HTR4: variants seen among roughly 807,000 people sequenced by gnomAD.
The protein encoded by HTR4 is 5-hydroxytryptamine (serotonin) receptor 4, G protein-coupled.
A neutral mutation model predicts 36.8 loss-of-function variants in HTR4; 16 were observed. The observed-to-expected ratio is 0.43, with a 90% CI of 0.29 to 0.66. The LOEUF (loss-of-function observed/expected upper bound fraction) is 0.66, where lower values mean the gene tolerates loss of function less well. Among genes scored for constraint, HTR4 ranks in the 30% least tolerant of loss-of-function variants. The pLI, the probability that HTR4 is intolerant of heterozygous loss-of-function variation, is 0.13. For missense variants in HTR4, 438 were observed against 490.9 expected (o/e 0.89, Z 1.02); for synonymous variants, 189 against 185.1 (o/e 1.02, Z -0.17).
At chr5:148,512,888 G>A (rs1330726493) in intron 5 of HTR4, among the ~76,000 whole-genome samples, 1 of 152,026 alleles carries the variant, frequency 6.6e-6, no homozygotes, top group Non-Finnish European at 1.5e-5. Flanking sequence ...CTAAGATCAC[G>A]CCACTGCACT....
chr5:148,584,639 A>G (rs996110303), intron 2 of HTR4, among the ~76,000 whole-genome samples: 1 of 152,094 alleles, frequency 6.6e-6, no homozygotes, highest in African/African-American at 2.4e-5. Context: ...GACAGACCCC[A>G]GTTTTGTTTG....
chr5:148,616,728 C>T (rs552734437), intron 2 of HTR4, among the ~76,000 whole-genome samples: 6 of 152,158 alleles, frequency 3.9e-5, no homozygotes, highest in Admixed American at 3.3e-4. Flanking sequence ...TACCTTGGTG[C>T]ATATCATTCT....
chr5:148,622,397 C>G (rs1752948384), intron 2 of HTR4, among the ~76,000 whole-genome samples: 1 of 152,202 alleles, frequency 6.6e-6, no homozygotes, highest in Non-Finnish European at 1.5e-5. Flanking sequence ...CCAGCCACAT[C>G]TCACCAAACT....
intron 2 of HTR4, among the ~76,000 whole-genome samples, chr5:148,606,871 G>A (rs757710225): frequency 3.3e-5 from 5 of 152,130 alleles, no homozygotes; most frequent in Non-Finnish European, 7.4e-5. Flanking sequence ...GAAGTTGTCT[G>A]CAACATTTAA....
intron 4 of HTR4, among the ~76,000 whole-genome samples, chr5:148,532,046 C>T (rs190897269): frequency 1.3e-5 from 2 of 152,220 alleles, no homozygotes; most frequent in Admixed American, 6.5e-5. Flanking sequence ...TTGAGGACCC[C>T]TGGTTTAGAT....
At chr5:148,634,871 G>A (rs1753473063) in intron 2 of HTR4, among the ~76,000 whole-genome samples, 1 of 152,038 alleles carries the variant, frequency 6.6e-6, no homozygotes, top group Admixed American at 6.6e-5. Context: ...CTCACCTTAT[G>A]TAGGCACTTT....
intron 6 of HTR4, among the ~76,000 whole-genome samples, chr5:148,507,089 G>C (rs1235862212): frequency 1.3e-5 from 2 of 152,008 alleles, no homozygotes; most frequent in African/African-American, 2.4e-5. Context: ...GTTTATTGCG[G>C]CACTATTCAC....
chr5:148,569,392 C>A (rs1038552670), intron 2 of HTR4, among the ~76,000 whole-genome samples: 1 of 151,918 alleles, frequency 6.6e-6, no homozygotes. Context: ...GGAAAAATAG[C>A]CAATGCATGT....
intron 4 of HTR4, among the ~76,000 whole-genome samples, chr5:148,527,693 C>T (rs1366053195): frequency 6.6e-6 from 1 of 152,056 alleles, no homozygotes; most frequent in African/African-American, 2.4e-5. Flanking sequence ...TGGCTCACTG[C>T]AACCTCCGCC....
At chr5:148,631,937 T>G (rs972417551) in intron 2 of HTR4, among the ~76,000 whole-genome samples, 2 of 152,130 alleles carry the variant, frequency 1.3e-5, no homozygotes, top group Non-Finnish European at 1.5e-5. Context: ...TTTACTCAGA[T>G]TTTCTGTGTT....
At chr5:148,515,053 C>T (rs1440113931) in intron 5 of HTR4, among the ~76,000 whole-genome samples, 1 of 151,954 alleles carries the variant, frequency 6.6e-6, no homozygotes, top group African/African-American at 2.4e-5. Flanking sequence ...TTACATTTGT[C>T]TATAATCTTA....
At chr5:148,476,707 G>A, downstream of HTR4, 2 of 1,610,924 alleles carry the variant, frequency 1.2e-6, no homozygotes, top group South Asian at 1.1e-5. Context: ...AAAAAAATGA[G>A]CAATAAGAAT....
chr5:148,608,991 A>G (rs1258196065), intron 2 of HTR4, among the ~76,000 whole-genome samples: 1 of 152,228 alleles, frequency 6.6e-6, no homozygotes, highest in African/African-American at 2.4e-5. Context: ...TTCTTACAAC[A>G]GACAAGGGAC....
Position 148,523,358 on chromosome 5 carries a change from A to G in HTR4, c.354-12T>C, listed in dbSNP as rs1290004390. Reference sequence around the variant, plus strand: ...AGATGGCGTAATACCTGGAGAGAGAATAGAGGGCAGAGCATAGGCATGGGC... The same window carrying G: ...AGATGGCGTAATACCTGGAGAGAGAGTAGAGGGCAGAGCATAGGCATGGGC... On this transcript the variant is annotated splice_polypyrimidine_tract_variant and intron_variant, in intron 4 of 6. Coordinates refer to ENST00000377888, the MANE Select transcript of HTR4 (RefSeq NM_000870.7). The G allele has an allele frequency of 3.7e-6, 6 of 1,602,140 alleles. No individual in the cohort carries two copies. Among genetic ancestry groups the G allele is most frequent in the African/African-American group, 1.3e-5 (1 of 74,202 alleles).
At chr5:148,614,884 A>C (rs973876190) in intron 2 of HTR4, among the ~76,000 whole-genome samples, 5 of 152,208 alleles carry the variant, frequency 3.3e-5, no homozygotes, top group African/African-American at 1.2e-4. Flanking sequence ...ATGAACAGAC[A>C]CTTCTCAAAA....
intron 1 of HTR4, chr5:148,644,585 A>G (rs1266677085): frequency 1.3e-5 from 2 of 152,040 alleles, no homozygotes; most frequent in Non-Finnish European, 2.9e-5. Context: ...ATGGAATAAG[A>G]CACAGTCAAT....
chr5:148,484,136 G>T, intron 6 of HTR4: 2 of 1,005,590 alleles, frequency 2.0e-6, no homozygotes, highest in Non-Finnish European at 2.8e-6. Flanking sequence ...TAAGTTTTTT[G>T]CAAGCACATA....
chr5:148,585,953 C>T (rs527502205), intron 2 of HTR4, among the ~76,000 whole-genome samples: 16 of 152,280 alleles, frequency 1.1e-4, no homozygotes, highest in African/African-American at 3.6e-4. Context: ...GCCTTCATCC[C>T]TAGTTTTATT....
At chr5:148,601,553 C>A (rs1191923019) in intron 2 of HTR4, among the ~76,000 whole-genome samples, 1 of 152,124 alleles carries the variant, frequency 6.6e-6, no homozygotes, top group Non-Finnish European at 1.5e-5. Flanking sequence ...GTAATCCCAG[C>A]ACTTTGGGAG....
Sources: gnomAD v4.1 joint callset for allele counts (sites outside exome capture counted in the v4.1 genomes callset) on GRCh38, gnomAD v4.1.1 for gene constraint, MANE v1.5 for transcripts, NCBI Gene and HGNC (gene_info 2026-07-23, HGNC 2026-07-21) for gene names.